RELA: variants seen among roughly 807,000 people sequenced by gnomAD.
RELA encodes RELA proto-oncogene, NF-kB subunit.
Under a neutral mutation model 56.7 loss-of-function variants are expected in RELA, and 14 were observed. The ratio of observed to expected loss-of-function variants is 0.25; its 90% confidence interval spans 0.16 to 0.39. The LOEUF is 0.39. RELA is among the 10% of genes least tolerant of loss of function. The probability of loss-of-function intolerance (pLI) is 1.00; values close to 1 mark genes in which losing one functional copy is unlikely to be tolerated. For missense variants in RELA, 559 were observed against 736.4 expected, an observed-to-expected ratio of 0.76 and a Z score of 2.79; for synonymous variants, 315 against 289.7, an observed-to-expected ratio of 1.09 and a Z score of -0.89.
intron 5 of RELA, 120 bp downstream of exon 5, chr11:65,660,004 G>T: frequency 1.7e-6 from 2 of 1,183,456 alleles, no homozygotes; most frequent in Non-Finnish European, 2.5e-6. Context: ...AAGTGGGAGA[G>T]TACTGAATGG....
chr11:65,660,264 C>T (rs753962385), intron 4 of RELA, 49 bp from the exon 5 acceptor site: 2 of 1,570,704 alleles, frequency 1.3e-6, no homozygotes, highest in Non-Finnish European at 1.8e-6. Context: ...GAGCCCAGAC[C>T]TTCCTGCCTT....
At chr11:65,655,551 C>G in intron 10 of RELA, 137 bp downstream of exon 10, 1 of 794,712 alleles carries the variant, frequency 1.3e-6, no homozygotes, top group Non-Finnish European at 2.1e-6. Flanking sequence ...CCCAGGAAGT[C>G]GCTGGTTCCT....
At chr11:65,661,381 A>G in intron 4 of RELA, 1 of 290,030 alleles carries the variant, frequency 3.4e-6, no homozygotes, top group Non-Finnish European at 6.4e-6. Context: ...TCCAGGGGAG[A>G]GTGCTGGTTC....
chr11:65,654,372 AC>A lies in RELA; in HGVS notation c.*5del. The stretch of plus-strand genomic sequence containing the variant: ...CAGTGCTCTGGGGAGGGCAGGCGTC[AC>A]CCCCTTAGGAGCTGATCTGACTCAG... On this transcript the variant is annotated 3_prime_UTR_variant, in exon 11 of 11. Transcript: ENST00000406246. 2 of 1,613,546 alleles carry A rather than the reference AC, an allele frequency of 1.2e-6. No individual in the cohort carries two copies. Among genetic ancestry groups the A allele is most frequent in the Non-Finnish European group, 1.7e-6 (2 of 1,179,844 alleles).
In RELA at chr11:65,654,105, G is replaced by A. The variant is rs1856351132; in HGVS notation, c.*273C>T. 8.1e-6 allele frequency: 4 copies of A among 496,856 alleles called. No individual in the cohort carries two copies. Among genetic ancestry groups the A allele is most frequent in the South Asian group, 6.0e-5 (3 of 50,052 alleles). 30.8% of individuals were successfully genotyped at this position (496,856 alleles called of 1,614,324 possible). On this transcript the variant is annotated 3_prime_UTR_variant, in exon 11 of 11. Coordinates refer to ENST00000406246, the MANE Select transcript of RELA (RefSeq NM_021975.4). ...ATGGGGGACCCCAGAGTTCCCTACA[G>A]AGAAGGGAGCTGACCATCAGGACAG... is the stretch of plus-strand genomic sequence containing the variant.
At position 65,654,587 on chromosome 11, in the gene RELA, G is replaced by A; in HGVS notation, c.1447C>T (p.Pro483Ser). Residue 483 changes from proline to serine, a missense_variant, in exon 11 of 11, where the codon CCT becomes TCT. Coordinates refer to ENST00000406246, the MANE Select transcript of RELA (RefSeq NM_021975.4). ...GGCTCAGTTGTGTGGGGGGCCACAG[G>A]TATGCCCTGGTTCAGCAGCTGCTGA... ...EFQQLLNQGI[P>S]VAPHTTEPML... is the part of the protein sequence containing the mutation. The A allele has an allele frequency of 1.4e-5, 22 of 1,613,432 alleles. No homozygotes were observed. The highest frequency in any genetic ancestry group is 1.8e-5 in the Non-Finnish European group (21 of 1,179,758).
upstream of RELA, among the ~76,000 whole-genome samples, chr11:65,663,259 C>A (rs74712780): frequency 0.014 from 2,103 of 152,154 alleles, 15 homozygotes; most frequent in Middle Eastern, 0.027. Context: ...AAAGCCAGGG[C>A]TACTGGGCTG....
Position 65,655,734 on chromosome 11 carries a change from T to G in RELA, c.987A>C (p.Arg329=). 1.9e-6 allele frequency: 3 copies of G among 1,614,068 alleles called. No individual in the cohort carries two copies. The East Asian group carries it at 6.7e-5, about 36-fold the overall frequency. The change falls in exon 10 of 11, where the codon CGA becomes CGC. Residue 329 remains arginine (R), a synonymous_variant. Transcript: ENST00000406246. The stretch of plus-strand genomic sequence containing the variant: ...AGCTGCGGGAAGGCACAGCAATGCG[T>G]CGAGGTGGAGGCCGGGGGTCGGTGG... ...SGPTDPRPPP[R]RIAVPSRSSA...
At position 65,661,942 on chromosome 11, in the gene RELA, T is replaced by C; in HGVS notation, c.181A>G (p.Ile61Val). ...STDTTKTHPT[I>V]KINGYTGPGT... ...CACCCTGGCGCAGTGCTGACCTTGA[T>C]GGTGGGGTGGGTCTTGGTGGTATCT... Residue 61 changes from isoleucine (I) to valine (V), a missense_variant, in exon 3 of 11, where the codon ATC (isoleucine) becomes GTC (valine). Coordinates refer to ENST00000406246, the MANE Select transcript of RELA (RefSeq NM_021975.4). 4 of 1,613,168 alleles carry C rather than the reference T, an allele frequency of 2.5e-6. No homozygotes were observed. Among genetic ancestry groups the C allele is most frequent in the Non-Finnish European group, 3.4e-6 (4 of 1,179,520 alleles).
intron 6 of RELA, among the ~76,000 whole-genome samples, chr11:65,659,234 G>A (rs535362908): frequency 1.4e-4 from 22 of 152,256 alleles, no homozygotes; most frequent in Admixed American, 5.2e-4. Flanking sequence ...CTCCAGATTC[G>A]TTTTATTTCC....
At position 65,662,863 on chromosome 11, in the gene RELA, G is replaced by T; in HGVS notation, c.-31C>A. 8.4e-7 allele frequency: 1 copy of T among 1,190,198 alleles called. No homozygotes were observed. The allele number at this position is 1,190,198 out of a possible 1,614,324, so 73.7% of individuals were successfully genotyped here. ...GGGTCCCGGGGGCGGGGCCGGGGTC[G>T]CAGCTGGGCCCGCGGCGTGCACTAC... On this transcript the variant is annotated 5_prime_UTR_variant, in exon 1 of 11. Coordinates refer to ENST00000406246, the MANE Select transcript of RELA (RefSeq NM_021975.4).
In RELA at chr11:65,654,874, A is replaced by G; in HGVS notation, c.1160T>C (p.Leu387Pro). The change falls in exon 11 of 11, where the codon CTG becomes CCG. Residue 387 changes from leucine (L) to proline (P), a missense_variant. Leu to Pro is a moderately conservative substitution (Grantham distance 98, BLOSUM62 -3). Coordinates refer to ENST00000406246, the MANE Select transcript of RELA (RefSeq NM_021975.4). The part of the protein sequence containing the change: ...SALAPAPPQV[L>P]PQAPAPAPAP... The stretch of plus-strand genomic sequence containing the variant: ...AGGGGCAGGGGCTGGAGCCTGGGGC[A>G]GGACTTGGGGAGGGGCCGGGGCCAA... 1 of 1,571,622 alleles carries G rather than the reference A, an allele frequency of 6.4e-7. No individual in the cohort carries two copies. Among genetic ancestry groups the G allele is most frequent in the Non-Finnish European group, 8.7e-7 (1 of 1,155,678 alleles).
chr11:65,655,840 C>T lies in RELA; in HGVS notation c.958+15G>A. 1 of 1,613,896 alleles carries T rather than the reference C, an allele frequency of 6.2e-7. No individual in the cohort carries two copies. Among genetic ancestry groups the T allele is most frequent in the East Asian group, 2.2e-5 (1 of 44,886 alleles). Reference sequence around the variant, plus strand: ...CCGCTGCCTTCCTCTCTGGCTTTCCCAGTCCCCATCTCACCGCTGAAAGGA... The same window carrying T: ...CCGCTGCCTTCCTCTCTGGCTTTCCTAGTCCCCATCTCACCGCTGAAAGGA... On this transcript the variant is annotated intron_variant, in intron 9 of 10. Transcript: ENST00000406246.
At chr11:65,659,537 G>C in intron 6 of RELA, 129 bp downstream of exon 6, 3 of 1,214,738 alleles carry the variant, frequency 2.5e-6, no homozygotes, top group East Asian at 2.4e-5. Context: ...GCTGGGCAGA[G>C]AAGAGTAGAC....
chr11:65,661,594 C>T, intron 4 of RELA, 93 bp downstream of exon 4: 2 of 1,247,824 alleles, frequency 1.6e-6, no homozygotes, highest in Non-Finnish European at 2.2e-6. Flanking sequence ...GGAATTCTGC[C>T]CTGGGTCCAG....
chr11:65,656,962 G>A (rs1290535368), intron 8 of RELA, among the ~76,000 whole-genome samples: 4 of 152,130 alleles, frequency 2.6e-5, no homozygotes, highest in African/African-American at 9.7e-5. Flanking sequence ...GGAGGTGGAG[G>A]TTGCAGTGAG....
rs771027934 is a variant in RELA, at chr11:65,659,706, G to C, written c.519C>G (p.Leu173=). The C allele has an allele frequency of 6.8e-6, 11 of 1,613,826 alleles. No homozygotes were observed. Among genetic ancestry groups the C allele is most frequent in the Admixed American group, 5.0e-5 (3 of 60,010 alleles). ...VTVRDPSGRP[L]RLPPVLSHPI... is the part of the protein sequence containing the mutation. ...GATGAGAAAGGACAGGCGGCAGGCG[G>C]AGGGGCCTGCCTGATGGGTCCCGCA... Residue 173 remains leucine, a synonymous_variant, in exon 6 of 11, where the codon CTC becomes CTG. Transcript: ENST00000406246.
chr11:65,662,213 G>A lies in RELA; in HGVS notation c.8-8C>T. On this transcript the variant is annotated splice_polypyrimidine_tract_variant and splice_region_variant and intron_variant, in intron 1 of 10. Transcript: ENST00000406246. The stretch of plus-strand genomic sequence containing the variant: ...AGATGAGGGGGAACAGTTCTGAAAG[G>A]GGAGGGAGATCAGGGTCAGCACACA... The A allele has an allele frequency of 6.4e-7, 1 of 1,565,796 alleles. No homozygotes were observed. Among genetic ancestry groups the A allele is most frequent in the Non-Finnish European group, 8.6e-7 (1 of 1,161,618 alleles).
At position 65,662,844 on chromosome 11, in the gene RELA, CG is replaced by C. The variant is rs1459194588; in HGVS notation, c.-13del. Reference sequence around the variant, plus strand: ...ACCTCACCGTCCATGGCCGGGGTCCCGGGGGCGGGGCCGGGGTCGCAGCTGG... The same window carrying C: ...ACCTCACCGTCCATGGCCGGGGTCCCGGGGCGGGGCCGGGGTCGCAGCTGG... On this transcript the variant is annotated 5_prime_UTR_variant, in exon 1 of 11. Coordinates refer to ENST00000406246, the MANE Select transcript of RELA (RefSeq NM_021975.4). The C allele has an allele frequency of 5.9e-6, 7 of 1,196,398 alleles. No individual in the cohort carries two copies. Among genetic ancestry groups the C allele is most frequent in the East Asian group, 3.5e-5 (1 of 28,338 alleles). The allele number at this position is 1,196,398 out of a possible 1,614,324, so 74.1% of individuals were successfully genotyped here.
Sources: gnomAD v4.1 joint callset for allele counts (sites outside exome capture counted in the v4.1 genomes callset) on GRCh38, gnomAD v4.1.1 for gene constraint, MANE v1.5 for transcripts, NCBI Gene and HGNC (gene_info 2026-07-23, HGNC 2026-07-21) for gene names.